The following NEMP2 variants were observed in gnomAD, a reference collection of about 807,000 sequenced individuals.
NEMP2 encodes the protein UPF0571 transmembrane protein.
In NEMP2, 53 loss-of-function variants were observed where a neutral mutation model predicts 54.2. The observed-to-expected ratio is 0.98, with a 90% CI of 0.78 to 1.23. The LOEUF is 1.23. Among genes scored for constraint, NEMP2 ranks in the 50% most tolerant of loss-of-function variants. The pLI, the probability that NEMP2 is intolerant of heterozygous loss-of-function variation, is 0.00. For missense variants in NEMP2, 455 were observed against 511.3 expected (o/e 0.89, Z 1.06); for synonymous variants, 197 against 190.3 (o/e 1.04, Z -0.29).
the NEMP2 span, among the ~76,000 whole-genome samples, chr2:190,428,654 CTTAT>C: frequency 2.5e-3 from 270 of 108,338 alleles, 2 homozygotes; most frequent in African/African-American, 0.012. Flanking sequence ...GAGATGCTTG[CTTAT>C]TTATTTATTT....
chr2:190,596,722 T>C, the NEMP2 span, among the ~76,000 whole-genome samples: 1 of 152,188 alleles, frequency 6.6e-6, no homozygotes, highest in South Asian at 2.1e-4. The surrounding 1 kb of genome is among the most constrained non-coding windows in gnomAD (Gnocchi z 5.1). Context: ...TACTATAAAT[T>C]TGTGTATAAT....
rs1324673669 is a variant in NEMP2, at chr2:190,510,404, A to AGTC, written c.1084_1086dup (p.Asp362dup). ...CTGGAGACGACCAGCCATGAGGGAAAGTCGGGTTTTCGGCAGGCCCGGCGT... is the reference window on the plus strand; with the variant it reads ...CTGGAGACGACCAGCCATGAGGGAAAGTCGTCGGGTTTTCGGCAGGCCCGGCGT... On this transcript the variant is annotated inframe_insertion, in exon 8 of 9. Coordinates refer to ENST00000409150, the MANE Select transcript of NEMP2 (RefSeq NM_001142645.2). This position sits in a 1 kb window ranked among gnomAD's most constrained non-coding sequence, Gnocchi z 5.7. 1 of 1,551,752 alleles carries AGTC rather than the reference A, an allele frequency of 6.4e-7. No individual in the cohort carries two copies. Among genetic ancestry groups the AGTC allele is most frequent in the African/African-American group, 1.4e-5 (1 of 73,158 alleles).
chr2:190,441,438 A>G, the NEMP2 span, among the ~76,000 whole-genome samples: 1 of 144,544 alleles, frequency 6.9e-6, no homozygotes, highest in Non-Finnish European at 1.5e-5. Flanking sequence ...CACCAGGCTA[A>G]TGGGAGGCAT....
chr2:190,498,963 G>C, the NEMP2 span, among the ~76,000 whole-genome samples: 4 of 151,900 alleles, frequency 2.6e-5, no homozygotes, highest in African/African-American at 9.7e-5. This position sits in a 1 kb window ranked among gnomAD's most constrained non-coding sequence, Gnocchi z 5.9. Flanking sequence ...GCCTGGCCAA[G>C]ATGGTGAAAC....
the NEMP2 span, among the ~76,000 whole-genome samples, chr2:190,611,403 T>C: frequency 6.6e-6 from 1 of 152,200 alleles, no homozygotes; most frequent in African/African-American, 2.4e-5. The surrounding 1 kb of genome is among the most constrained non-coding windows in gnomAD (Gnocchi z 5.4). Context: ...TAACAAATCC[T>C]TATAGACAGA....
chr2:190,447,425 T>G, the NEMP2 span, among the ~76,000 whole-genome samples: 8 of 152,320 alleles, frequency 5.3e-5, no homozygotes, highest in South Asian at 1.7e-3. The surrounding 1 kb of genome is among the most constrained non-coding windows in gnomAD (Gnocchi z 4.5). Flanking sequence ...CATTTATGGA[T>G]TATTCCTGTA....
intron 4 of NEMP2, 95 bp downstream of exon 4, chr2:190,518,641 A>G (rs1690646518): frequency 9.6e-7 from 1 of 1,039,956 alleles, no homozygotes; most frequent in Non-Finnish European, 1.4e-6. Context: ...AAGAACTACA[A>G]ATGCACAATA....
the NEMP2 span, chr2:190,437,304 C>T: frequency 6.2e-7 from 1 of 1,614,268 alleles, no homozygotes; most frequent in Middle Eastern, 1.6e-4. The surrounding 1 kb of genome is among the most constrained non-coding windows in gnomAD (Gnocchi z 5.9). Flanking sequence ...AGACACCAAC[C>T]ACCACAAGCC....
the NEMP2 span, among the ~76,000 whole-genome samples, chr2:190,434,318 A>G: frequency 6.6e-6 from 1 of 152,234 alleles, no homozygotes; most frequent in South Asian, 2.1e-4. The surrounding 1 kb of genome is among the most constrained non-coding windows in gnomAD (Gnocchi z 4.3). Flanking sequence ...TGACACTTTA[A>G]TCATTCAATC....
the NEMP2 span, among the ~76,000 whole-genome samples, chr2:190,627,512 A>AT: frequency 6.6e-6 from 1 of 151,806 alleles, no homozygotes; most frequent in Non-Finnish European, 1.5e-5. This position sits in a 1 kb window ranked among gnomAD's most constrained non-coding sequence, Gnocchi z 4.4. Flanking sequence ...TATCTGCAGT[A>AT]TTTTTGGCAC....
chr2:190,630,031 G>A, the NEMP2 span, among the ~76,000 whole-genome samples: 1 of 152,238 alleles, frequency 6.6e-6, no homozygotes, highest in Admixed American at 6.5e-5. This position sits in a 1 kb window ranked among gnomAD's most constrained non-coding sequence, Gnocchi z 5.5. Context: ...AACCAAGGTC[G>A]TGGTGAAGGA....
chr2:190,602,347 G>T, the NEMP2 span, among the ~76,000 whole-genome samples: 1 of 152,356 alleles, frequency 6.6e-6, no homozygotes, highest in Admixed American at 6.5e-5. Flanking sequence ...CTGTATTGCA[G>T]ACTGGAGGAG....
chr2:190,611,601 A>G, the NEMP2 span, among the ~76,000 whole-genome samples: 6 of 152,178 alleles, frequency 3.9e-5, no homozygotes, highest in African/African-American at 9.6e-5. This position sits in a 1 kb window ranked among gnomAD's most constrained non-coding sequence, Gnocchi z 5.4. Context: ...TACACACAAA[A>G]TTTCCTTTAT....
At chr2:190,625,029 T>G in the NEMP2 span, 1 of 152,226 alleles carries the variant, frequency 6.6e-6, no homozygotes, top group Non-Finnish European at 1.5e-5. Flanking sequence ...ATGCAGTCAC[T>G]TTGGAAAACA....
the NEMP2 span, among the ~76,000 whole-genome samples, chr2:190,559,907 G>A: frequency 3.3e-5 from 5 of 152,200 alleles, no homozygotes; most frequent in Admixed American, 1.3e-4. The surrounding 1 kb of genome is among the most constrained non-coding windows in gnomAD (Gnocchi z 4.0). Flanking sequence ...CTGGGATTCA[G>A]ATGCAGATAG....
chr2:190,626,260 G>T, the NEMP2 span: 1 of 152,012 alleles, frequency 6.6e-6, no homozygotes, highest in African/African-American at 2.4e-5. This position sits in a 1 kb window ranked among gnomAD's most constrained non-coding sequence, Gnocchi z 4.5. Context: ...TGAATTTTGG[G>T]GGGACACAAA....
chr2:190,423,528 C>A, the NEMP2 span, among the ~76,000 whole-genome samples: 1 of 152,092 alleles, frequency 6.6e-6, no homozygotes, highest in African/African-American at 2.4e-5. This position sits in a 1 kb window ranked among gnomAD's most constrained non-coding sequence, Gnocchi z 4.3. Context: ...TTTAATTAGT[C>A]CTTCCATCCT....
the NEMP2 span, among the ~76,000 whole-genome samples, chr2:190,443,377 A>G: frequency 1.3e-5 from 2 of 152,194 alleles, no homozygotes; most frequent in African/African-American, 4.8e-5. The surrounding 1 kb of genome is among the most constrained non-coding windows in gnomAD (Gnocchi z 4.2). Flanking sequence ...TTTTTTATGA[A>G]GACTAGATGA....
upstream of NEMP2, among the ~76,000 whole-genome samples, chr2:190,535,433 T>C (rs1262409292): frequency 6.6e-6 from 1 of 152,164 alleles, no homozygotes; most frequent in African/African-American, 2.4e-5. Context: ...AATTAACATA[T>C]AACCTGAATG....
Sources: gnomAD v4.1 joint callset for allele counts (sites outside exome capture counted in the v4.1 genomes callset) on GRCh38, gnomAD v4.1.1 for gene constraint, Gnocchi (gnomAD v3.1) non-coding constraint, MANE v1.5 for transcripts, NCBI Gene and HGNC (gene_info 2026-07-23, HGNC 2026-07-21) for gene names.